Variants in ZC3H14 observed in about 807,000 individuals in gnomAD.
The protein encoded by ZC3H14 is zinc finger CCCH-type containing 14.
ZC3H14 carries 31 observed loss-of-function variants against 92.4 expected under a neutral mutation model. The ratio of observed to expected loss-of-function variants is 0.34; its 90% CI spans 0.25 to 0.45. The LOEUF (loss-of-function observed/expected upper bound fraction) is 0.45, where lower values mean the gene tolerates loss of function less well. Among genes scored for constraint, ZC3H14 ranks in the 20% least tolerant of loss-of-function variants. The pLI is 1.00. For missense variants in ZC3H14, 781 were observed against 897.3 expected (o/e 0.87, Z 1.66); for synonymous variants, 321 against 300.9 (o/e 1.07, Z -0.69).
intron 12 of ZC3H14, among the ~76,000 whole-genome samples, chr14:88,604,385 G>C (rs564871951): frequency 6.6e-6 from 1 of 152,132 alleles, no homozygotes; most frequent in East Asian, 1.9e-4. Flanking sequence ...TAGCATAGGG[G>C]TGTGGCTGGA....
At chr14:88,609,602 CCATTCT>C in intron 14 of ZC3H14, 104 bp from the exon 15 acceptor site, 4 of 1,402,504 alleles carry the variant, frequency 2.9e-6, no homozygotes, top group Non-Finnish European at 4.0e-6. Flanking sequence ...ATAAACCTTA[CCATTCT>C]AATTTAAAAA....
chr14:88,579,052 T>C (rs1182787494), intron 9 of ZC3H14, among the ~76,000 whole-genome samples: 3 of 152,142 alleles, frequency 2.0e-5, no homozygotes, highest in Non-Finnish European at 4.4e-5. Context: ...TCTGTTTCTT[T>C]TTCTACTAAG....
intron 12 of ZC3H14, among the ~76,000 whole-genome samples, chr14:88,607,000 T>A (rs1015381258): frequency 6.6e-6 from 1 of 152,172 alleles, no homozygotes; most frequent in Non-Finnish European, 1.5e-5. Context: ...GTGAAAAATT[T>A]GGCCGTAGTT....
At position 88,618,216 on chromosome 14, in the gene ZC3H14, A is replaced by G. The variant is rs745631079; in HGVS notation, c.*6465A>G. ...AAGTCAGTTCTTGCCTTGTGAATAT[A>G]TAAGTATTTACCTAGTCCATGTAGC... is the stretch of plus-strand genomic sequence containing the variant. On this transcript the variant is annotated 3_prime_UTR_variant, in exon 17 of 17. Transcript: ENST00000251038. 116 of 1,610,892 alleles carry G rather than the reference A, an allele frequency of 7.2e-5. 1 individual carries two copies. In the East Asian group the frequency reaches 9.6e-4, roughly 13 times the overall value.
chr14:88,618,932 T>G lies in ZC3H14; in HGVS notation c.*7181T>G, dbSNP rs552553687. 4 of 939,230 alleles carry G rather than the reference T, an allele frequency of 4.3e-6. No homozygotes were observed. The African/African-American group carries it at 6.7e-5, about 16-fold the overall frequency. The allele number at this position is 939,230 out of a possible 1,614,324, so 58.2% of individuals were successfully genotyped here. ...CGTGTGATAAGGCCTCAAATAGATT[T>G]ACCTGTCAGACACAACTGATCATGT... On this transcript the variant is annotated 3_prime_UTR_variant, in exon 17 of 17. Coordinates refer to ENST00000251038, the MANE Select transcript of ZC3H14 (RefSeq NM_024824.5).
Position 88,575,823 on chromosome 14 carries a change from T to C in ZC3H14, c.1023-17T>C, listed in dbSNP as rs761558498. ...AAATTTAAAGTTTAATAAAAATACC[T>C]TTCTTAACTCTTTTAGACCTTCTCT... On this transcript the variant is annotated splice_polypyrimidine_tract_variant and intron_variant, in intron 7 of 16. Coordinates refer to ENST00000251038, the MANE Select transcript of ZC3H14 (RefSeq NM_024824.5). 8.7e-6 allele frequency: 14 copies of C among 1,600,418 alleles called. No individual in the cohort carries two copies. Among genetic ancestry groups the C allele is most frequent in the African/African-American group, 2.7e-5 (2 of 74,530 alleles).
In ZC3H14 at chr14:88,614,194, T is replaced by G. The variant is rs2087246550; in HGVS notation, c.*2443T>G. The G allele has an allele frequency of 1.3e-5, 2 of 152,332 alleles. No individual in the cohort carries two copies. The highest frequency in any genetic ancestry group is 1.9e-4 in the East Asian group (1 of 5,190). 9.4% of individuals were successfully genotyped at this position (152,332 alleles called of 1,614,324 possible). A position where few individuals can be genotyped will look rare whatever the true frequency, so the allele number is the denominator to read the frequency against. ...AGTATTTTTCTTTTTATGGGCAGGT[T>G]GTTCAGGGATTTTTTTCCTCCTTTA... On this transcript the variant is annotated 3_prime_UTR_variant, in exon 17 of 17. Coordinates refer to ENST00000251038, the MANE Select transcript of ZC3H14 (RefSeq NM_024824.5).
intron 13 of ZC3H14, chr14:88,609,064 T>C (rs1408576403): frequency 1.6e-6 from 1 of 620,284 alleles, no homozygotes; most frequent in Non-Finnish European, 2.7e-6. Context: ...TAAAAGCCTG[T>C]GTTTGTGTTA....
At chr14:88,584,913 T>G (rs1322069099) in intron 9 of ZC3H14, among the ~76,000 whole-genome samples, 1 of 152,022 alleles carries the variant, frequency 6.6e-6, no homozygotes, top group East Asian at 1.9e-4. Flanking sequence ...TTATTCACCA[T>G]TTCTGGATAA....
chr14:88,573,232 T>G (rs573618806), intron 6 of ZC3H14, among the ~76,000 whole-genome samples: 142 of 151,588 alleles, frequency 9.4e-4, no homozygotes, highest in Admixed American at 1.4e-3. Flanking sequence ...TACAAAAAAT[T>G]AGCCAGGCAT....
rs2088172875 is a variant in ZC3H14, at chr14:88,618,552, CTG to C, written c.*6802_*6803del. 1 of 1,384,858 alleles carries C rather than the reference CTG, an allele frequency of 7.2e-7. No individual in the cohort carries two copies. Among genetic ancestry groups the C allele is most frequent in the African/African-American group, 1.4e-5 (1 of 69,104 alleles). The allele number at this position is 1,384,858 out of a possible 1,614,324, so 85.8% of individuals were successfully genotyped here. A position where few individuals can be genotyped will look rare whatever the true frequency, so the allele number is the denominator to read the frequency against. The stretch of plus-strand genomic sequence containing the variant: ...AGGTACAAAGGGAGGAGTTGAGAAG[CTG>C]GAGCTCTGGAGCTCAGGAACTTTAA... On this transcript the variant is annotated 3_prime_UTR_variant, in exon 17 of 17. Transcript: ENST00000251038.
In ZC3H14 at chr14:88,622,755, T is replaced by C. The variant is rs1295220006; in HGVS notation, c.*11004T>C. The C allele has an allele frequency of 2.1e-6, 3 of 1,437,110 alleles. No homozygotes were observed. The highest frequency in any genetic ancestry group is 2.8e-6 in the Non-Finnish European group (3 of 1,059,996). 89.0% of individuals were successfully genotyped at this position (1,437,110 alleles called of 1,614,324 possible). On this transcript the variant is annotated 3_prime_UTR_variant, in exon 17 of 17. Transcript: ENST00000251038. ...ACCAAGCCAGAGTAAGTGTTCATTA[T>C]TGGCTACTATAATTTTTATTATAAA...
In ZC3H14 at chr14:88,626,643, C is replaced by A; in HGVS notation, c.*14892C>A. 1 of 624,374 alleles carries A rather than the reference C, an allele frequency of 1.6e-6. No homozygotes were observed. Among genetic ancestry groups the A allele is most frequent in the Non-Finnish European group, 2.7e-6 (1 of 370,268 alleles). 38.7% of individuals were successfully genotyped at this position (624,374 alleles called of 1,614,324 possible). ...AAAAAAAAAAAAAATCCTTTTCCCC[C>A]TCTCATTAACATTCTTTTCACTCCC... On this transcript the variant is annotated 3_prime_UTR_variant, in exon 17 of 17. Coordinates refer to ENST00000251038, the MANE Select transcript of ZC3H14 (RefSeq NM_024824.5).
In ZC3H14 at chr14:88,625,666, T is replaced by C. The variant is rs908836978; in HGVS notation, c.*13915T>C. ...ATCTTCCCGCCTTGGCCTCCCTAAG[T>C]GCTGGGATTATAGGTGTGAGCCACT... On this transcript the variant is annotated 3_prime_UTR_variant, in exon 17 of 17. Transcript: ENST00000251038. The C allele has an allele frequency of 6.5e-6, 1 of 153,488 alleles. No individual in the cohort carries two copies. Among genetic ancestry groups the C allele is most frequent in the African/African-American group, 2.4e-5 (1 of 41,442 alleles). The allele number at this position is 153,488 out of a possible 1,614,324, so 9.5% of individuals were successfully genotyped here.
chr14:88,563,426 C>T, intron 1 of ZC3H14: 1 of 1,428,692 alleles, frequency 7.0e-7, no homozygotes, highest in Non-Finnish European at 9.1e-7. Context: ...CACCGCGGCG[C>T]ACGGCGCCGC....
At chr14:88,602,128 T>TAA (rs1047218142) in intron 11 of ZC3H14, 45 bp downstream of exon 11, 2 of 1,611,376 alleles carry the variant, frequency 1.2e-6, no homozygotes, top group Non-Finnish European at 1.7e-6. Flanking sequence ...TGTGATTAGA[T>TAA]AGTAAAGGTT....
At chr14:88,579,549 A>G (rs2081623276) in intron 9 of ZC3H14, among the ~76,000 whole-genome samples, 1 of 152,220 alleles carries the variant, frequency 6.6e-6, no homozygotes, top group Admixed American at 6.5e-5. Flanking sequence ...TTGGAGTGGA[A>G]TCAGATGGAG....
In ZC3H14 at chr14:88,574,475, C is replaced by G. The variant is rs956770166; in HGVS notation, c.862-218C>G. On this transcript the variant is annotated intron_variant, in intron 6 of 16. Coordinates refer to ENST00000251038, the MANE Select transcript of ZC3H14 (RefSeq NM_024824.5). ...GGCCAGGCTGGTCTCGAAATCCTGA[C>G]CTTGTGATCCGCCCACTTCGGCCTT... The G allele has an allele frequency of 3.8e-5, 19 of 502,776 alleles. 1 individual carries two copies. The highest frequency in any genetic ancestry group is 6.4e-5 in the Non-Finnish European group (18 of 282,008). The allele number at this position is 502,776 out of a possible 1,614,324, so 31.1% of individuals were successfully genotyped here. A position where few individuals can be genotyped will look rare whatever the true frequency, so the allele number is the denominator to read the frequency against.
chr14:88,579,342 C>T (rs1484828001), intron 9 of ZC3H14, among the ~76,000 whole-genome samples: 1 of 151,904 alleles, frequency 6.6e-6, no homozygotes, highest in Admixed American at 6.6e-5. Context: ...CTGTTTGGTC[C>T]CCAAACAGCA....
Sources: gnomAD v4.1 joint callset for allele counts (sites outside exome capture counted in the v4.1 genomes callset) on GRCh38, gnomAD v4.1.1 for gene constraint, MANE v1.5 for transcripts, NCBI Gene and HGNC (gene_info 2026-07-23, HGNC 2026-07-21) for gene names.